The following HP variants were observed in gnomAD, a reference collection of about 807,000 sequenced individuals.
HP encodes the protein haptoglobin, also known as haptoglobin alpha(1S)-beta.
A neutral mutation model predicts 23.2 loss-of-function variants in HP; 9 were observed. The observed-to-expected ratio is 0.39, with a 90% CI of 0.23 to 0.68. HP has a LOEUF of 0.68. HP is among the 30% of genes least tolerant of loss of function. HP has a pLI of 0.47. For missense variants in HP, 433 were observed against 483.6 expected (o/e 0.90, Z 0.98); for synonymous variants, 155 against 183.3 (o/e 0.85, Z 1.25).
intron 2 of HP, 128 bp from the exon 3 acceptor site, chr16:72,056,402 T>C: frequency 6.3e-7 from 1 of 1,580,370 alleles, no homozygotes; most frequent in South Asian, 1.1e-5. Flanking sequence ...GGAGCTTGCC[T>C]TTCCATTGGC....
intron 3 of HP, 22 bp from the exon 4 acceptor site, chr16:72,057,370 C>G (rs1281954512): frequency 1.4e-6 from 1 of 722,004 alleles, no homozygotes; most frequent in East Asian, 2.9e-5. Context: ...TCCTTTGGCT[C>G]ATTTCTTGCC....
rs1239180238 is a variant in HP, at chr16:72,054,602, G to A, written c.-51G>A. On this transcript the variant is annotated 5_prime_UTR_variant, in exon 1 of 7. Coordinates refer to ENST00000355906, the MANE Select transcript of HP (RefSeq NM_005143.5). ...AAGTGAGCTAGTGGCAGCATAAAAA[G>A]ACCAGCAGATGCCCCACAGCACTGC... 1 of 1,602,272 alleles carries A rather than the reference G, an allele frequency of 6.2e-7. No individual in the cohort carries two copies.
At chr16:72,059,738 T>C (rs1333629853) in intron 6 of HP, 6 of 356,686 alleles carry the variant, frequency 1.7e-5, no homozygotes, top group Non-Finnish European at 3.1e-5. Context: ...TCTAGATTCA[T>C]CTTTCTTTAG....
intron 6 of HP, 96 bp downstream of exon 6, chr16:72,059,284 G>A: frequency 2.0e-6 from 3 of 1,483,370 alleles, no homozygotes; most frequent in Non-Finnish European, 2.8e-6. Flanking sequence ...GCACACAAGA[G>A]CCAGGAGGAG....
intron 3 of HP, 72 bp downstream of exon 3, chr16:72,056,703 C>T: frequency 3.2e-6 from 2 of 618,826 alleles, no homozygotes; most frequent in Non-Finnish European, 5.1e-6. Context: ...ATGGGTGGTG[C>T]TGAGGTGATT....
intron 6 of HP, 133 bp downstream of exon 6, chr16:72,059,321 G>A: frequency 7.8e-7 from 1 of 1,288,212 alleles, no homozygotes; most frequent in South Asian, 1.2e-5. Context: ...CAGCTGGCCA[G>A]GGAGAGACTT....
chr16:72,056,018 T>G (rs1206823751), intron 1 of HP, 143 bp from the exon 2 acceptor site: 1 of 1,392,550 alleles, frequency 7.2e-7, no homozygotes. Flanking sequence ...TATATCGACT[T>G]TCTTTTCTGG....
chr16:72,054,521 A>G lies in HP; in HGVS notation c.-132A>G, dbSNP rs190482744. ...GGTTTTGTTACTGGAAAAGATAGTG[A>G]CCTTACCAGGGCCAAAGTTTGTAGA... On this transcript the variant is annotated 5_prime_UTR_variant, in exon 1 of 7. Coordinates refer to ENST00000355906, the MANE Select transcript of HP (RefSeq NM_005143.5). 399 of 1,557,332 alleles carry G rather than the reference A, an allele frequency of 2.6e-4. 7 individuals carry two copies. The East Asian group carries it at 8.8e-3, about 34-fold the overall frequency.
intron 1 of HP, chr16:72,054,940 C>T: frequency 1.7e-6 from 1 of 594,344 alleles, no homozygotes; most frequent in Non-Finnish European, 3.0e-6. Flanking sequence ...TGGTAGGCTT[C>T]CTGGCATCCT....
Position 72,058,048 on chromosome 16 carries a change from T to C in HP, c.266-206T>C, listed in dbSNP as rs1385630446. 13 of 661,884 alleles carry C rather than the reference T, an allele frequency of 2.0e-5. 4 individuals are homozygous for C. Among genetic ancestry groups the C allele is most frequent in the Admixed American group, 1.8e-4 (5 of 27,546 alleles). The allele number at this position is 661,884 out of a possible 1,614,324, so 41.0% of individuals were successfully genotyped here. Reference sequence around the variant, plus strand: ...TCTTTCTTTAGAGAGAATGAATTATTGTAGCCCCTAGCCCTTTCAATGAAT... The same window carrying C: ...TCTTTCTTTAGAGAGAATGAATTATCGTAGCCCCTAGCCCTTTCAATGAAT... On this transcript the variant is annotated intron_variant, in intron 4 of 6. Transcript: ENST00000355906.
intron 3 of HP, chr16:72,057,007 C>A: frequency 5.9e-6 from 2 of 340,726 alleles, no homozygotes; most frequent in South Asian, 4.7e-5. Context: ...CTCACTTAGT[C>A]CTCACAGTAT....
At chr16:72,055,171 C>T (rs1001693061) in intron 1 of HP, 4 of 177,774 alleles carry the variant, frequency 2.3e-5, no homozygotes, top group South Asian at 1.1e-4. Flanking sequence ...GATGGAGTCT[C>T]GCTTTGTCAC....
intron 1 of HP, 41 bp from the exon 2 acceptor site, chr16:72,056,120 G>C (rs1163836261): frequency 6.3e-7 from 1 of 1,589,072 alleles, no homozygotes; most frequent in Non-Finnish European, 8.6e-7. Context: ...CTGTGAAGCA[G>C]GGAGACTAGC....
At position 72,060,307 on chromosome 16, in the gene HP, C is replaced by T. The variant is rs760529864; in HGVS notation, c.638C>T (p.Thr213Ile). ...TTCCTGAACCATTCAGAAAATGCAA[C>T]AGCGAAAGACATTGCCCCTACTTTA... ...NLFLNHSENA[T>I]AKDIAPTLTL... Residue 213 changes from threonine to isoleucine, a missense_variant, in exon 7 of 7, where the codon ACA becomes ATA. Physicochemically the swap from Thr to Ile is moderately conservative, Grantham distance 89. Transcript: ENST00000355906. 7 of 1,613,976 alleles carry T rather than the reference C, an allele frequency of 4.3e-6. No homozygotes were observed. The highest frequency in any genetic ancestry group is 1.6e-4 in the Middle Eastern group (1 of 6,082).
intron 4 of HP, 136 bp from the exon 5 acceptor site, chr16:72,058,118 A>T (rs2070938): frequency 0.6 from 655,305 of 1,089,650 alleles, 257,763 homozygotes; most frequent in South Asian, 0.7. Context: ...ATTGTTTAAA[A>T]ATAATACAGT....
At chr16:72,055,888 C>G (rs933570006) in intron 1 of HP, 1 of 503,568 alleles carries the variant, frequency 2.0e-6, no homozygotes, top group African/African-American at 1.9e-5. Context: ...TTCTATCCCT[C>G]TCTGAAGCTT....
At chr16:72,056,981 G>A (rs1322684388) in intron 3 of HP, 1 of 357,696 alleles carries the variant, frequency 2.8e-6, no homozygotes, top group African/African-American at 3.2e-5. Flanking sequence ...TGCTCTAAGG[G>A]CTTTATACTT....
At position 72,057,476 on chromosome 16, in the gene HP, G is replaced by A; in HGVS notation, c.265+10G>A. 3 of 1,053,544 alleles carry A rather than the reference G, an allele frequency of 2.8e-6. No individual in the cohort carries two copies. The highest frequency in any genetic ancestry group is 4.1e-6 in the Non-Finnish European group (3 of 726,930). The allele number at this position is 1,053,544 out of a possible 1,614,324, so 65.3% of individuals were successfully genotyped here. On this transcript the variant is annotated intron_variant, in intron 4 of 6. Coordinates refer to ENST00000355906, the MANE Select transcript of HP (RefSeq NM_005143.5). ...CCTGAATGTGAAGCAGGTGGGTGCT[G>A]AGCACTGAGCACTTAAGAGAGCAGG...
Position 72,060,323 on chromosome 16 carries a change from C to T in HP, c.654C>T (p.Ala218=). The change falls in exon 7 of 7, where the codon GCC becomes GCT. Residue 218 remains alanine, a synonymous_variant. Coordinates refer to ENST00000355906, the MANE Select transcript of HP (RefSeq NM_005143.5). ...HSENATAKDI[A]PTLTLYVGKK... ...AAAATGCAACAGCGAAAGACATTGC[C>T]CCTACTTTAACACTCTATGTGGGGA... The T allele has an allele frequency of 6.2e-7, 1 of 1,614,108 alleles. No individual in the cohort carries two copies. The highest frequency in any genetic ancestry group is 8.5e-7 in the Non-Finnish European group (1 of 1,180,012).
Sources: gnomAD v4.1 joint callset for allele counts on GRCh38, gnomAD v4.1.1 for gene constraint, MANE v1.5 for transcripts, NCBI Gene and HGNC (gene_info 2026-07-23, HGNC 2026-07-21) for gene names.